The following FNDC1 variants were observed in gnomAD, a reference collection of about 807,000 sequenced individuals.
FNDC1 encodes the protein fibronectin type III domain-containing protein 1.
Under a neutral mutation model 168.0 loss-of-function variants are expected in FNDC1, and 96 were observed. That is an observed-to-expected ratio of 0.57 (90% CI 0.48 to 0.68). The LOEUF is 0.68. Ranked by LOEUF, FNDC1 falls within the 30% of genes least tolerant of loss-of-function variation. The pLI is 0.00. For synonymous variants in FNDC1, 1,099 were observed against 1,025.9 expected, an observed-to-expected ratio of 1.07 and a Z score of -1.36; for missense variants, 2,587 against 2,482.1, an observed-to-expected ratio of 1.04 and a Z score of -0.90.
At chr6:159,181,137 G>A (rs1037815403) in intron 1 of FNDC1, among the ~76,000 whole-genome samples, 1 of 152,166 alleles carries the variant, frequency 6.6e-6, no homozygotes, top group Non-Finnish European at 1.5e-5. Context: ...AACCTCGACA[G>A]CATCTGTTGT....
chr6:159,216,492 G>C (rs539676768), intron 5 of FNDC1, among the ~76,000 whole-genome samples: 2 of 152,314 alleles, frequency 1.3e-5, no homozygotes, highest in African/African-American at 2.4e-5. Context: ...ACATAGGCTT[G>C]GCTCTCTGAG....
At chr6:159,174,014 G>GC (rs1006447072) in intron 1 of FNDC1, among the ~76,000 whole-genome samples, 26 of 152,194 alleles carry the variant, frequency 1.7e-4, no homozygotes, top group South Asian at 6.2e-4. Flanking sequence ...CTTTTCATTG[G>GC]CCCCCCATGG....
Position 159,239,862 on chromosome 6 carries a change from TC to T in FNDC1, c.4530del (p.Thr1511ProfsTer16). ...ACCACCCCCACACCCACCACTCCCA[TC>T]CCCACCTGTCCCCCTGGGACCTTGG... ...TTTTPTPTTP[I>X]PTCPPGTLER... On this transcript the variant is annotated frameshift_variant, in exon 14 of 23. Coordinates refer to ENST00000297267, the MANE Select transcript of FNDC1 (RefSeq NM_032532.3). LOFTEE classifies it high-confidence loss of function. 6.5e-7 allele frequency: 1 copy of T among 1,541,552 alleles called. No individual in the cohort carries two copies. Among genetic ancestry groups the T allele is most frequent in the Non-Finnish European group, 8.8e-7 (1 of 1,140,558 alleles).
chr6:159,268,402 G>T (rs77336383), intron 22 of FNDC1, among the ~76,000 whole-genome samples: 1,551 of 152,216 alleles, frequency 0.01, 24 homozygotes, highest in African/African-American at 0.036. Flanking sequence ...GAGATGTTCT[G>T]ATTTGCTAAA....
At chr6:159,215,235 A>T in intron 5 of FNDC1, 84 bp downstream of exon 5, 1 of 1,254,524 alleles carries the variant, frequency 8.0e-7, no homozygotes, top group South Asian at 1.3e-5. Context: ...ATGACAGAGC[A>T]TTATATTTTA....
intron 21 of FNDC1, among the ~76,000 whole-genome samples, chr6:159,267,323 T>A (rs911716660): frequency 6.6e-6 from 1 of 152,146 alleles, no homozygotes; most frequent in Admixed American, 6.5e-5. Context: ...TATCCCAGAA[T>A]TGGGAGAAAC....
In FNDC1 at chr6:159,268,984, A is replaced by G. The variant is rs1424536486; in HGVS notation, c.5569+1058A>G. On this transcript the variant is annotated intron_variant, in intron 22 of 22. Coordinates refer to ENST00000297267, the MANE Select transcript of FNDC1 (RefSeq NM_032532.3). ...AATCTATCTATCCACCTATCCATGTATCTATTTATCCATCCATCCATCCAT... is the reference window on the plus strand; with the variant it reads ...AATCTATCTATCCACCTATCCATGTGTCTATTTATCCATCCATCCATCCAT... Among the ~76,000 whole-genome samples the G allele has an allele frequency of 2.3e-5, 3 of 128,566 alleles. No homozygotes were observed. In the South Asian group the frequency reaches 8.3e-4, roughly 35 times the overall value. The allele number at this position is 128,566 out of a possible 152,430, so 84.3% of individuals were successfully genotyped here.
At chr6:159,215,793 G>A (rs605647) in intron 5 of FNDC1, among the ~76,000 whole-genome samples, 25,391 of 151,994 alleles carry the variant, frequency 0.17, 2,469 homozygotes, top group East Asian at 0.37. Flanking sequence ...TGGGACGCTA[G>A]GCCAGTCTCT....
intron 22 of FNDC1, among the ~76,000 whole-genome samples, chr6:159,270,126 G>C (rs969199233): frequency 6.6e-6 from 1 of 152,136 alleles, no homozygotes; most frequent in East Asian, 1.9e-4. Flanking sequence ...TGAGGTCTAG[G>C]CTGCAGTGAC....
chr6:159,266,248 A>T lies in FNDC1; in HGVS notation c.5446+3A>T. ...CTACCTCAGTGACAACCTGAAAGGT[A>T]AGTCTTTGTGCATGGTTGGCTATGG... On this transcript the variant is annotated splice_donor_region_variant and intron_variant, in intron 21 of 22. Transcript: ENST00000297267. The T allele has an allele frequency of 1.2e-6, 2 of 1,613,888 alleles. No individual in the cohort carries two copies. The highest frequency in any genetic ancestry group is 2.2e-5 in the South Asian group (2 of 91,080).
intron 1 of FNDC1, among the ~76,000 whole-genome samples, chr6:159,177,587 A>T (rs1781790994): frequency 6.6e-6 from 1 of 152,160 alleles, no homozygotes; most frequent in Non-Finnish European, 1.5e-5. Context: ...AATCAGGAGA[A>T]GCTGCTTTTG....
In FNDC1 at chr6:159,230,010, A is replaced by G. The variant is rs938635922; in HGVS notation, c.1369+7A>G. 3 of 1,610,690 alleles carry G rather than the reference A, an allele frequency of 1.9e-6. No individual in the cohort carries two copies. Among genetic ancestry groups the G allele is most frequent in the East Asian group, 4.5e-5 (2 of 44,848 alleles). ...ATTGTCGCTATGCCAACAAGTAAGC[A>G]TTATGTGTCTGTGGCTGTCTTCTCT... On this transcript the variant is annotated splice_region_variant and intron_variant, in intron 10 of 22. Coordinates refer to ENST00000297267, the MANE Select transcript of FNDC1 (RefSeq NM_032532.3).
chr6:159,196,265 G>C (rs1255331710), intron 1 of FNDC1, among the ~76,000 whole-genome samples: 1 of 152,164 alleles, frequency 6.6e-6, no homozygotes, highest in East Asian at 1.9e-4. Flanking sequence ...TCTGTCTCCA[G>C]AATAGACATT....
rs1315141694 is a variant in FNDC1, at chr6:159,172,564, CAT to C, written c.109+2861_109+2862del. Among the ~76,000 whole-genome samples the C allele has an allele frequency of 4.6e-5, 7 of 152,252 alleles. No homozygotes were observed. The East Asian group carries it at 1.4e-3, about 29-fold the overall frequency. On this transcript the variant is annotated intron_variant, in intron 1 of 22. Coordinates refer to ENST00000297267, the MANE Select transcript of FNDC1 (RefSeq NM_032532.3). ...TGAATGTGATTTGTAAATGTCATCT[CAT>C]AAAATGTGTCAACATTTGGATGATC...
In FNDC1 at chr6:159,197,442, C is replaced by T; in HGVS notation, c.121C>T (p.Leu41=). The change falls in exon 2 of 23, where the codon CTG becomes TTG. Residue 41 remains leucine, a synonymous_variant. Coordinates refer to ENST00000297267, the MANE Select transcript of FNDC1 (RefSeq NM_032532.3). ...SSAAASVDHP[L]KPRHVKLLST... ...CGCTGTTTACATAGTTGACCACCCA[C>T]TGAAGCCAAGGCATGTGAAACTGCT... 1.2e-6 allele frequency: 2 copies of T among 1,612,148 alleles called. No individual in the cohort carries two copies. The highest frequency in any genetic ancestry group is 2.2e-5 in the South Asian group (2 of 90,634).
chr6:159,176,366 A>G (rs1781761649), intron 1 of FNDC1, among the ~76,000 whole-genome samples: 1 of 152,242 alleles, frequency 6.6e-6, no homozygotes, highest in African/African-American at 2.4e-5. Context: ...GAGGACACAC[A>G]GGCAAGGAGG....
At chr6:159,194,371 A>G (rs1282569439) in intron 1 of FNDC1, among the ~76,000 whole-genome samples, 1 of 152,246 alleles carries the variant, frequency 6.6e-6, no homozygotes, top group African/African-American at 2.4e-5. Flanking sequence ...ATGGATAGAT[A>G]GCTTTAAAGA....
In FNDC1 at chr6:159,233,353, C is replaced by T. The variant is rs1642331708; in HGVS notation, c.2841C>T (p.Ser947=). 6.2e-7 allele frequency: 1 copy of T among 1,613,830 alleles called. No homozygotes were observed. The highest frequency in any genetic ancestry group is 1.3e-5 in the African/African-American group (1 of 74,920). The change falls in exon 11 of 23, where the codon TCC becomes TCT. Residue 947 remains serine, a synonymous_variant. Transcript: ENST00000297267. The surrounding 1 kb of genome is among the most constrained non-coding windows in gnomAD (Gnocchi z 4.6). ...HPQGKYSSLA[S]KAQDVQQSTD... Reference sequence around the variant, plus strand: ...AGGGCAAGTACTCCTCCCTGGCCTCCAAGGCTCAGGATGTTCAACAGAGCA... The same window carrying T: ...AGGGCAAGTACTCCTCCCTGGCCTCTAAGGCTCAGGATGTTCAACAGAGCA...
At chr6:159,200,725 G>A in intron 4 of FNDC1, 144 bp downstream of exon 4, 1 of 647,532 alleles carries the variant, frequency 1.5e-6, no homozygotes, top group Non-Finnish European at 2.7e-6. Flanking sequence ...CACAGTCTTG[G>A]TCAATCTGTT....
Sources: gnomAD v4.1 joint callset for allele counts (sites outside exome capture counted in the v4.1 genomes callset) on GRCh38, gnomAD v4.1.1 for gene constraint, Gnocchi (gnomAD v3.1) non-coding constraint, MANE v1.5 for transcripts, NCBI Gene and HGNC (gene_info 2026-07-23, HGNC 2026-07-21) for gene names.